DNM3: variants seen among roughly 807,000 people sequenced by gnomAD.
DNM3 encodes dynamin 3.
DNM3 carries 47 observed loss-of-function variants against 101.6 expected under a neutral mutation model. That is an observed-to-expected ratio of 0.46 (90% CI 0.37 to 0.59). The LOEUF is 0.59. Among genes scored for constraint, DNM3 ranks in the 20% least tolerant of loss-of-function variants. The probability of loss-of-function intolerance (pLI) is 0.00; values close to 1 mark genes in which losing one functional copy is unlikely to be tolerated. For synonymous variants in DNM3, 385 were observed against 387.9 expected, an observed-to-expected ratio of 0.99 and a Z score of 0.09; for missense variants, 849 against 1,085.7, an observed-to-expected ratio of 0.78 and a Z score of 3.06.
chr1:171,866,029 C>T (rs1156953257), intron 1 of DNM3, among the ~76,000 whole-genome samples: 5 of 152,054 alleles, frequency 3.3e-5, no homozygotes, highest in African/African-American at 1.2e-4. Flanking sequence ...TTTCCTTTCC[C>T]CACATATACT....
At position 172,269,400 on chromosome 1, in the gene DNM3, C is replaced by A. The variant is rs148614964; in HGVS notation, c.1769+15718C>A. 4.1e-3 allele frequency among the ~76,000 whole-genome samples: 630 copies of A among 152,240 alleles called. 11 individuals are homozygous for A. The highest frequency in any genetic ancestry group is 0.014 in the African/African-American group (594 of 41,536). On this transcript the variant is annotated intron_variant, in intron 15 of 20. Transcript: ENST00000627582. ...CCTCCATTTGGAAACCATAGAACAA[C>A]CCCAGCTGCTATTCATTAATGATAG...
intron 15 of DNM3, among the ~76,000 whole-genome samples, chr1:172,272,625 G>T (rs1165732102): frequency 1.3e-5 from 2 of 152,132 alleles, no homozygotes; most frequent in Admixed American, 6.6e-5. Context: ...AGTTAGTACT[G>T]ATACCAGACA....
chr1:172,032,918 A>G (rs2048718108), intron 5 of DNM3, among the ~76,000 whole-genome samples, 187 bp from the exon 6 acceptor site: 2 of 152,138 alleles, frequency 1.3e-5, no homozygotes, highest in Non-Finnish European at 2.9e-5. Context: ...CTAAAAAATT[A>G]TCGTGGGCTC....
At chr1:172,015,950 TG>T (rs1267092420) in intron 4 of DNM3, among the ~76,000 whole-genome samples, 1 of 150,598 alleles carries the variant, frequency 6.6e-6, no homozygotes, top group Non-Finnish European at 1.5e-5. Context: ...CCAAGGTGGG[TG>T]GATCACCTGA....
intron 17 of DNM3, among the ~76,000 whole-genome samples, chr1:172,332,277 G>C (rs1573500708): frequency 6.6e-6 from 1 of 152,136 alleles, no homozygotes; most frequent in African/African-American, 2.4e-5. Context: ...ATATTCATCT[G>C]AACATTCATC....
At chr1:172,342,098 T>TA (rs1436338612) in intron 17 of DNM3, among the ~76,000 whole-genome samples, 1 of 151,722 alleles carries the variant, frequency 6.6e-6, no homozygotes. Flanking sequence ...ATTAAAAAAA[T>TA]AAAAAAATAG....
intron 4 of DNM3, among the ~76,000 whole-genome samples, chr1:172,016,627 A>G (rs568561833): frequency 3.3e-5 from 5 of 152,234 alleles, no homozygotes; most frequent in South Asian, 2.1e-4. Flanking sequence ...AAGAGTTAGT[A>G]TTTCCTCTGA....
Position 172,068,905 on chromosome 1 carries a change from G to T in DNM3, c.1422G>T (p.Gln474His). ...AGCGAGAAGGGAAGACAAAGGACCAGGTAAAGAGAGGTCTTCCCTGGTGGG... is the reference window on the plus strand; with the variant it reads ...AGCGAGAAGGGAAGACAAAGGACCATGTAAAGAGAGGTCTTCCCTGGTGGG... ...IREREGKTKD[Q>H]VLLLIDIQVS... The change falls in exon 11 of 21, where the codon CAG becomes CAT. Residue 474 changes from glutamine to histidine, a missense_variant and splice_region_variant. Physicochemically the swap from Gln to His is conservative, Grantham distance 24. Around this residue, in one of 5 missense-constraint regions of DNM3, gnomAD observed 193 missense variants for 238.4 expected, o/e 0.81. Coordinates refer to ENST00000627582, the MANE Select transcript of DNM3 (RefSeq NM_015569.5). The T allele has an allele frequency of 6.4e-7, 1 of 1,557,058 alleles. No individual in the cohort carries two copies.
downstream of DNM3, among the ~76,000 whole-genome samples, chr1:172,412,881 G>C (rs1386976810): frequency 6.6e-6 from 1 of 152,154 alleles, no homozygotes; most frequent in African/African-American, 2.4e-5. Context: ...AGAAAGATGG[G>C]ATTTTTAAAG....
intron 14 of DNM3, among the ~76,000 whole-genome samples, chr1:172,220,153 G>T (rs1227599038): frequency 6.6e-6 from 1 of 152,164 alleles, no homozygotes; most frequent in African/African-American, 2.4e-5. Flanking sequence ...TGATGTCATT[G>T]AAGAGAAAGG....
At chr1:172,374,808 A>G (rs1291094688) in intron 17 of DNM3, among the ~76,000 whole-genome samples, 1 of 152,112 alleles carries the variant, frequency 6.6e-6, no homozygotes, top group Non-Finnish European at 1.5e-5. Context: ...TTTGAAGAAC[A>G]AAACAATTGA....
At chr1:172,235,982 A>C (rs2061528224) in intron 14 of DNM3, among the ~76,000 whole-genome samples, 1 of 152,144 alleles carries the variant, frequency 6.6e-6, no homozygotes, top group Non-Finnish European at 1.5e-5. Context: ...GTACCCTAAA[A>C]CTTAAAGTAT....
At chr1:172,222,333 G>A (rs2060937707) in intron 14 of DNM3, among the ~76,000 whole-genome samples, 1 of 152,126 alleles carries the variant, frequency 6.6e-6, no homozygotes, top group Admixed American at 6.6e-5. Context: ...AAGAAATTCT[G>A]AACAGATTTT....
intron 14 of DNM3, among the ~76,000 whole-genome samples, chr1:172,248,385 A>G (rs551046276): frequency 6.6e-5 from 10 of 152,278 alleles, no homozygotes; most frequent in Non-Finnish European, 1.0e-4. Context: ...ATATACACCA[A>G]TGTAATAACT....
chr1:172,292,621 A>G (rs2586397), intron 15 of DNM3, among the ~76,000 whole-genome samples: 15,194 of 149,964 alleles, frequency 0.1, 1,047 homozygotes, highest in African/African-American at 0.2. Context: ...ACACACACAC[A>G]CACGCGCGTG....
In DNM3 at chr1:172,061,686, TG is replaced by T. The variant is rs2051225927; in HGVS notation, c.1336-7129del. 4.6e-5 allele frequency among the ~76,000 whole-genome samples: 5 copies of T among 109,814 alleles called. No homozygotes were observed. In the South Asian group the frequency reaches 9.9e-4, roughly 22 times the overall value. The allele number at this position is 109,814 out of a possible 152,430, so 72.0% of individuals were successfully genotyped here. On this transcript the variant is annotated intron_variant, in intron 10 of 20. Coordinates refer to ENST00000627582, the MANE Select transcript of DNM3 (RefSeq NM_015569.5). ...ACACAGGAAGGGGAACATCACACCC[TG>T]GGGACTGTGGTGGGGTGGGGGGAGG...
intron 14 of DNM3, among the ~76,000 whole-genome samples, chr1:172,207,660 G>A (rs1289343254): frequency 6.6e-6 from 1 of 151,930 alleles, no homozygotes; most frequent in Non-Finnish European, 1.5e-5. Context: ...GAGTTTTCTT[G>A]TTTCTTTGTT....
chr1:171,945,958 C>T (rs552583013), intron 2 of DNM3, among the ~76,000 whole-genome samples: 1 of 152,214 alleles, frequency 6.6e-6, no homozygotes, highest in African/African-American at 2.4e-5. Context: ...TAAAGAAGAC[C>T]GACATGGCTG....
chr1:171,914,165 TG>T (rs1262905706), intron 1 of DNM3, among the ~76,000 whole-genome samples: 2 of 151,926 alleles, frequency 1.3e-5, no homozygotes, highest in African/African-American at 4.8e-5. Context: ...GTTTTTGTTT[TG>T]TTTTTTTTGA....
Sources: gnomAD v4.1 joint callset for allele counts (sites outside exome capture counted in the v4.1 genomes callset) on GRCh38, gnomAD v4.1.1 for gene constraint, gnomAD v4.1.1 regional missense constraint, MANE v1.5 for transcripts, NCBI Gene and HGNC (gene_info 2026-07-23, HGNC 2026-07-21) for gene names.